Variants in PRIM2 observed in about 807,000 individuals in gnomAD.
PRIM2 encodes the protein DNA primase large subunit.
Under a neutral mutation model 67.3 loss-of-function variants are expected in PRIM2, and 39 were observed. The observed-to-expected ratio is 0.58, with a 90% CI of 0.45 to 0.76. The LOEUF (loss-of-function observed/expected upper bound fraction) is 0.76, where lower values mean the gene tolerates loss of function less well. PRIM2 is among the 30% of genes least tolerant of loss of function. The probability of loss-of-function intolerance (pLI) is 0.00; values close to 1 mark genes in which losing one functional copy is unlikely to be tolerated. For synonymous variants in PRIM2, 143 were observed against 198.7 expected (o/e 0.72, Z 2.36); for missense variants, 398 against 598.7 (o/e 0.66, Z 3.50).
chr6:57,645,018 A>C (rs1777310423), intron 13 of PRIM2, among the ~76,000 whole-genome samples: 3 of 152,322 alleles, frequency 2.0e-5, no homozygotes, highest in African/African-American at 7.2e-5. Flanking sequence ...ATTTACAAGA[A>C]GAGATTTTCT....
At chr6:57,361,118 A>C (rs1038281150) in intron 5 of PRIM2, among the ~76,000 whole-genome samples, 1 of 152,140 alleles carries the variant, frequency 6.6e-6, no homozygotes, top group African/African-American at 2.4e-5. Flanking sequence ...TAGGTTTCTC[A>C]AGGCTGATAG....
At chr6:57,454,772 T>C (rs1201689962) in intron 7 of PRIM2, among the ~76,000 whole-genome samples, 1 of 152,226 alleles carries the variant, frequency 6.6e-6, no homozygotes, top group Non-Finnish European at 1.5e-5. Context: ...GGTTTTTTTG[T>C]GTCTCTATTT....
At chr6:57,311,693 G>A (rs1456249586), upstream of PRIM2, among the ~76,000 whole-genome samples, 2 of 151,914 alleles carry the variant, frequency 1.3e-5, no homozygotes, top group Non-Finnish European at 2.9e-5. Flanking sequence ...GGAGGTGGAA[G>A]TTGTAGCGAG....
chr6:57,403,172 GTATA>G (rs1770768472), intron 7 of PRIM2, among the ~76,000 whole-genome samples: 2 of 150,848 alleles, frequency 1.3e-5, no homozygotes, highest in Admixed American at 1.3e-4. Context: ...AGTCAGTATT[GTATA>G]TGAAAGTTTT....
chr6:57,292,525 G>T, the PRIM2 span, among the ~76,000 whole-genome samples: 12,996 of 152,196 alleles, frequency 0.085, 591 homozygotes, highest in Non-Finnish European at 0.1. Context: ...TCAAAAAAGA[G>T]CCCACATAGC....
At chr6:57,588,606 A>C (rs1194952404) in intron 10 of PRIM2, among the ~76,000 whole-genome samples, 6 of 151,676 alleles carry the variant, frequency 4.0e-5, no homozygotes, top group Non-Finnish European at 7.4e-5. Context: ...CACATTGTTG[A>C]GATCAATGGG....
intron 7 of PRIM2, among the ~76,000 whole-genome samples, chr6:57,434,776 TAC>T: frequency 6.6e-6 from 1 of 151,850 alleles, no homozygotes; most frequent in Admixed American, 6.6e-5. Context: ...CTCTCTTTTT[TAC>T]TTTTCTTTTC....
chr6:57,325,918 A>T lies in PRIM2; in HGVS notation c.339-7A>T, dbSNP rs530857366. 7.6e-6 allele frequency: 12 copies of T among 1,585,004 alleles called. No individual in the cohort carries two copies. The East Asian group carries it at 2.7e-4, about 36-fold the overall frequency. On this transcript the variant is annotated splice_region_variant and splice_polypyrimidine_tract_variant and intron_variant, in intron 4 of 13. Coordinates refer to ENST00000615550, the MANE Select transcript of PRIM2 (RefSeq NM_000947.5). Reference sequence around the variant, plus strand: ...GTTTGTACTCATAATTTCTGTCTTCATTTCAGTGAAGAACTTAGACGCTGG... The same window carrying T: ...GTTTGTACTCATAATTTCTGTCTTCTTTTCAGTGAAGAACTTAGACGCTGG...
the PRIM2 span, among the ~76,000 whole-genome samples, chr6:57,264,232 G>A: frequency 6.6e-6 from 1 of 152,128 alleles, no homozygotes; most frequent in Non-Finnish European, 1.5e-5. Flanking sequence ...TGCTATGGAA[G>A]TATTTTAGTG....
At chr6:57,290,289 C>T in the PRIM2 span, among the ~76,000 whole-genome samples, 1 of 152,128 alleles carries the variant, frequency 6.6e-6, no homozygotes, top group Non-Finnish European at 1.5e-5. Flanking sequence ...GGGATCAATT[C>T]AACAAGAAGA....
intron 10 of PRIM2, among the ~76,000 whole-genome samples, chr6:57,576,817 T>C (rs1775971674): frequency 6.6e-6 from 1 of 151,004 alleles, no homozygotes; most frequent in South Asian, 2.1e-4. Context: ...CACTAAGACA[T>C]CTGAAAATTC....
chr6:57,583,015 C>G lies in PRIM2; in HGVS notation c.1021-18078C>G, dbSNP rs1341949179. On this transcript the variant is annotated intron_variant, in intron 10 of 13. Transcript: ENST00000615550. ...ATGTGTTCTCATTGTTCAATTCCCA[C>G]CTATGAGTGATAACATGTGGTGTTT... Among the ~76,000 whole-genome samples, 1,278 of 142,692 alleles carry G rather than the reference C, an allele frequency of 9.0e-3. 18 individuals are homozygous for G. The highest frequency in any genetic ancestry group is 0.032 in the African/African-American group (1,206 of 38,278). The allele number at this position is 142,692 out of a possible 152,430, so 93.6% of individuals were successfully genotyped here. A position where few individuals can be genotyped will look rare whatever the true frequency, so the allele number is the denominator to read the frequency against.
chr6:57,266,658 T>A, the PRIM2 span, among the ~76,000 whole-genome samples: 1 of 152,240 alleles, frequency 6.6e-6, no homozygotes, highest in Non-Finnish European at 1.5e-5. Flanking sequence ...TGATTACCTG[T>A]CCTGATCTTC....
chr6:57,427,947 T>G (rs1771686466), intron 7 of PRIM2, among the ~76,000 whole-genome samples: 1 of 152,166 alleles, frequency 6.6e-6, no homozygotes. Flanking sequence ...TCAAGCTGTT[T>G]CAAATTAATT....
chr6:57,287,973 C>T, the PRIM2 span, among the ~76,000 whole-genome samples: 1 of 152,150 alleles, frequency 6.6e-6, no homozygotes, highest in South Asian at 2.1e-4. Flanking sequence ...GGCAGGGTGT[C>T]GCCTCACCCA....
intron 10 of PRIM2, among the ~76,000 whole-genome samples, chr6:57,579,585 T>G (rs1185167847): frequency 6.8e-6 from 1 of 146,600 alleles, no homozygotes; most frequent in African/African-American, 2.6e-5. Flanking sequence ...TAAGAGTTAT[T>G]CTGGAGCTAA....
At chr6:57,303,491 T>C in the PRIM2 span, among the ~76,000 whole-genome samples, 2 of 152,214 alleles carry the variant, frequency 1.3e-5, no homozygotes, top group African/African-American at 4.8e-5. Flanking sequence ...AGATACTACT[T>C]GCATACTGTT....
At position 57,447,362 on chromosome 6, in the gene PRIM2, C is replaced by T. The variant is rs200720032; in HGVS notation, c.694-60025C>T. ...ACACACATATGAAACAATTGAAGAACAAAGTAACACCTCTGTGGCAATTAT... is the reference window on the plus strand; with the variant it reads ...ACACACATATGAAACAATTGAAGAATAAAGTAACACCTCTGTGGCAATTAT... On this transcript the variant is annotated intron_variant, in intron 7 of 13. Coordinates refer to ENST00000615550, the MANE Select transcript of PRIM2 (RefSeq NM_000947.5). 9.8e-3 allele frequency among the ~76,000 whole-genome samples: 1,492 copies of T among 152,234 alleles called. 12 individuals are homozygous for T. The highest frequency in any genetic ancestry group is 0.015 in the Non-Finnish European group (1,002 of 68,006).
At chr6:57,504,816 T>C (rs1368752813) in intron 7 of PRIM2, among the ~76,000 whole-genome samples, 1 of 152,242 alleles carries the variant, frequency 6.6e-6, no homozygotes, top group Non-Finnish European at 1.5e-5. Context: ...TATTGCTTTC[T>C]TGGAAGGCTT....
Sources: allele counts gnomAD v4.1 joint callset (sites outside exome capture counted in the v4.1 genomes callset), GRCh38; gene constraint gnomAD v4.1.1; transcripts MANE v1.5; gene names NCBI Gene and HGNC (gene_info 2026-07-23, HGNC 2026-07-21).